NSD3: variants seen among roughly 807,000 people sequenced by gnomAD.
The protein encoded by NSD3 is histone-lysine N-methyltransferase NSD3.
Under a neutral mutation model 160.8 loss-of-function variants are expected in NSD3, and 24 were observed. The ratio of observed to expected loss-of-function variants is 0.15; its 90% CI spans 0.11 to 0.21. The LOEUF is 0.21. Ranked by LOEUF, NSD3 falls within the 10% of genes least tolerant of loss-of-function variation. The probability of loss-of-function intolerance (pLI) is 1.00; values close to 1 mark genes in which losing one functional copy is unlikely to be tolerated. For missense variants in NSD3, 1,157 were observed against 1,735.9 expected (o/e 0.67, Z 5.93); for synonymous variants, 520 against 600.0 (o/e 0.87, Z 1.95).
chr8:38,343,855 T>C (rs1733463767), intron 2 of NSD3, among the ~76,000 whole-genome samples: 1 of 152,206 alleles, frequency 6.6e-6, no homozygotes, highest in Non-Finnish European at 1.5e-5. Flanking sequence ...GCCACTCTGC[T>C]TTTTATAAGG....
At chr8:38,373,904 C>T (rs1811320140) in intron 1 of NSD3, among the ~76,000 whole-genome samples, 1 of 144,508 alleles carries the variant, frequency 6.9e-6, no homozygotes, top group African/African-American at 2.6e-5. Flanking sequence ...TCAAGACCAG[C>T]CTGGGCAACT....
Position 38,347,814 on chromosome 8 carries a change from T to C in NSD3, c.358A>G (p.Arg120Gly), listed in dbSNP as rs1810573354. ...GGTTTTTCCAGAATTTCATGTGGTC[T>C]TGTGTTTGGAATTTCTGAATGATAA... The part of the protein sequence containing the change: ...DYYHSEIPNT[R>G]PHEILEKPSP... Residue 120 changes from arginine (R) to glycine (G), a missense_variant, in exon 2 of 24, where the codon AGA becomes GGA. Physicochemically the swap from Arg to Gly is moderately radical, Grantham distance 125. Coordinates refer to ENST00000317025, the MANE Select transcript of NSD3 (RefSeq NM_023034.2). 2 of 1,614,130 alleles carry C rather than the reference T, an allele frequency of 1.2e-6. No homozygotes were observed. The highest frequency in any genetic ancestry group is 1.1e-5 in the South Asian group (1 of 91,080).
chr8:38,358,557 AT>A (rs1314983509), intron 1 of NSD3, among the ~76,000 whole-genome samples: 1 of 152,040 alleles, frequency 6.6e-6, no homozygotes, highest in Admixed American at 6.6e-5. Context: ...ATTTAAAAAA[AT>A]TTTTTTTAAG....
intron 7 of NSD3, among the ~76,000 whole-genome samples, chr8:38,326,035 C>T (rs922806154): frequency 6.6e-6 from 1 of 151,894 alleles, no homozygotes; most frequent in South Asian, 2.1e-4. Flanking sequence ...GTAATCCCAG[C>T]TACTCAGGAG....
In NSD3 at chr8:38,316,952, C is replaced by T. The variant is rs1050157606; in HGVS notation, c.1856-910G>A. ...ATGTGCAGATCAGGCACGGTGAATA[C>T]CAAGGAACCAAGGAGACGGTTAATA... On this transcript the variant is annotated intron_variant, in intron 9 of 23. Coordinates refer to ENST00000317025, the MANE Select transcript of NSD3 (RefSeq NM_023034.2). This position sits in a 1 kb window ranked among gnomAD's most constrained non-coding sequence, Gnocchi z 4.5. The T allele has an allele frequency of 3.1e-5, 33 of 1,060,744 alleles. No homozygotes were observed. The highest frequency in any genetic ancestry group is 3.5e-5 in the Non-Finnish European group (31 of 876,410). 65.7% of individuals were successfully genotyped at this position (1,060,744 alleles called of 1,614,324 possible). A position where few individuals can be genotyped will look rare whatever the true frequency, so the allele number is the denominator to read the frequency against.
In NSD3 at chr8:38,326,744, G is replaced by A. The variant is rs1809921343; in HGVS notation, c.1694C>T (p.Thr565Ile). 4 of 1,613,144 alleles carry A rather than the reference G, an allele frequency of 2.5e-6. No homozygotes were observed. Among genetic ancestry groups the A allele is most frequent in the South Asian group, 1.1e-5 (1 of 90,892 alleles). Residue 565 changes from threonine to isoleucine, a missense_variant, in exon 7 of 24, where the codon ACA becomes ATA. Coordinates refer to ENST00000317025, the MANE Select transcript of NSD3 (RefSeq NM_023034.2). ...PTQSVSSPEATSGSTGSVEKK... is the reference protein window; with the variant it reads ...PTQSVSSPEAISGSTGSVEKK... ...TTCATACCAACCTGTAGAACCAGATGTTGCTTCAGGAGATGATACACTCTG... is the reference window on the plus strand; with the variant it reads ...TTCATACCAACCTGTAGAACCAGATATTGCTTCAGGAGATGATACACTCTG...
At chr8:38,277,172 G>A (rs1043170667) in intron 22 of NSD3, among the ~76,000 whole-genome samples, 4 of 152,172 alleles carry the variant, frequency 2.6e-5, no homozygotes. Flanking sequence ...GAACTCCTGA[G>A]CTCAGGCAAT....
At chr8:38,325,162 TC>T (rs1192701385) in intron 7 of NSD3, among the ~76,000 whole-genome samples, 3 of 152,180 alleles carry the variant, frequency 2.0e-5, no homozygotes, top group African/African-American at 4.8e-5. Context: ...GCAACTGACA[TC>T]TGAAGTGGGG....
intron 7 of NSD3, among the ~76,000 whole-genome samples, chr8:38,324,232 C>T (rs1459361396): frequency 6.6e-6 from 1 of 152,100 alleles, no homozygotes; most frequent in Non-Finnish European, 1.5e-5. Context: ...CTTTGCTATT[C>T]ACTCCCTCCT....
In NSD3 at chr8:38,347,923, T is replaced by G. The variant is rs562928589; in HGVS notation, c.249A>C (p.Gln83His). 3 of 1,614,238 alleles carry G rather than the reference T, an allele frequency of 1.9e-6. No individual in the cohort carries two copies. The South Asian group carries it at 3.3e-5, about 18-fold the overall frequency. ...ACTGATTATATGACTGGTATTTGGT[T>G]TGAGTTTCATACACACTGATTGATG... Reference protein sequence around the residue: ...YPSSISVYETQTKYQSYNQYP... With the variant: ...YPSSISVYETHTKYQSYNQYP... Residue 83 changes from glutamine to histidine, a missense_variant, in exon 2 of 24, where the codon CAA (glutamine) becomes CAC (histidine). Transcript: ENST00000317025.
chr8:38,297,424 A>T (rs1585865284), intron 15 of NSD3, among the ~76,000 whole-genome samples: 1 of 152,224 alleles, frequency 6.6e-6, no homozygotes, highest in Admixed American at 6.5e-5. Flanking sequence ...TGATCTTTTC[A>T]TTGGAAAATC....
rs752907493 is a variant in NSD3, at chr8:38,272,471, C to G, written c.*3170G>C. On this transcript the variant is annotated 3_prime_UTR_variant, in exon 24 of 24. Coordinates refer to ENST00000317025, the MANE Select transcript of NSD3 (RefSeq NM_023034.2). ...GAAGAGCCATCCACCTTGCCCTTCT[C>G]AGCCAGCCACAGGCAGCTCTTCTGA... 4 of 152,336 alleles carry G rather than the reference C, an allele frequency of 2.6e-5. No homozygotes were observed. Among genetic ancestry groups the G allele is most frequent in the Non-Finnish European group, 4.4e-5 (3 of 68,118 alleles). 9.4% of individuals were successfully genotyped at this position (152,336 alleles called of 1,614,324 possible). A position where few individuals can be genotyped will look rare whatever the true frequency, so the allele number is the denominator to read the frequency against.
chr8:38,323,821 C>CAA (rs397891214), intron 7 of NSD3, among the ~76,000 whole-genome samples: 121 of 71,772 alleles, frequency 1.7e-3, no homozygotes, highest in Non-Finnish European at 2.0e-3. Context: ...GACCCTGTCT[C>CAA]AAAAAAAAAA....
At position 38,272,633 on chromosome 8, in the gene NSD3, C is replaced by T. The variant is rs1808510025; in HGVS notation, c.*3008G>A. 6.6e-6 allele frequency: 1 copy of T among 152,238 alleles called. No individual in the cohort carries two copies. Among genetic ancestry groups the T allele is most frequent in the Non-Finnish European group, 1.5e-5 (1 of 68,044 alleles). 9.4% of individuals were successfully genotyped at this position (152,238 alleles called of 1,614,324 possible). On this transcript the variant is annotated 3_prime_UTR_variant, in exon 24 of 24. Coordinates refer to ENST00000317025, the MANE Select transcript of NSD3 (RefSeq NM_023034.2). ...GGCTGATTATCAAAAATCTTATGTTCACTTCTTCCTTCAACAAATTAACAT... is the reference window on the plus strand; with the variant it reads ...GGCTGATTATCAAAAATCTTATGTTTACTTCTTCCTTCAACAAATTAACAT...
At chr8:38,282,822 T>G (rs1459443274) in intron 19 of NSD3, among the ~76,000 whole-genome samples, 1 of 152,260 alleles carries the variant, frequency 6.6e-6, no homozygotes, top group East Asian at 1.9e-4. Flanking sequence ...TTGTTCTTTT[T>G]AAATCTCTGA....
rs188815821 is a variant in NSD3 at position 38,345,822 on chromosome 8, T to C, written c.675+1675A>G. 1.7e-3 allele frequency among the ~76,000 whole-genome samples: 259 copies of C among 151,524 alleles called. 1 individual carries two copies. The highest frequency in any genetic ancestry group is 3.5e-3 in the Middle Eastern group (1 of 288). ...TACTCGGGAGGCTGAGGCAGGAGAA[T>C]TGCTTGAACCCTGGAGGCGGAGGTT... is the stretch of plus-strand genomic sequence containing the variant. On this transcript the variant is annotated intron_variant, in intron 2 of 23. Transcript: ENST00000317025.
rs6993185 is a variant in NSD3, at chr8:38,348,306, G to C, written c.-44-91C>G. 7,770 of 1,010,898 alleles carry C rather than the reference G, an allele frequency of 7.7e-3. 420 individuals are homozygous for C. In the African/African-American group the frequency reaches 0.11, roughly 15 times the overall value. 62.6% of individuals were successfully genotyped at this position (1,010,898 alleles called of 1,614,324 possible). On this transcript the variant is annotated intron_variant, in intron 1 of 23. Coordinates refer to ENST00000317025, the MANE Select transcript of NSD3 (RefSeq NM_023034.2). ...AAAAAGGATTAAACTAAAATGTTTT[G>C]AACTCAATTTTCATATCCAGATATG...
intron 15 of NSD3, among the ~76,000 whole-genome samples, chr8:38,297,725 T>A (rs1306520931): frequency 6.6e-6 from 1 of 152,200 alleles, no homozygotes; most frequent in African/African-American, 2.4e-5. Flanking sequence ...TATAGATTAA[T>A]TGATTCAATT....
rs1369979937 is a variant in NSD3, at chr8:38,269,924, T to TA, written c.*5716dup. The stretch of plus-strand genomic sequence containing the variant: ...CACATCAGTAAAGAAGCTTAAATAT[T>TA]ACAGGCAACCCTAAATACACTATAA... On this transcript the variant is annotated 3_prime_UTR_variant, in exon 24 of 24. Coordinates refer to ENST00000317025, the MANE Select transcript of NSD3 (RefSeq NM_023034.2). 1.3e-5 allele frequency: 2 copies of TA among 152,200 alleles called. No individual in the cohort carries two copies. Among genetic ancestry groups the TA allele is most frequent in the Non-Finnish European group, 2.9e-5 (2 of 68,036 alleles). 9.4% of individuals were successfully genotyped at this position (152,200 alleles called of 1,614,324 possible). A position where few individuals can be genotyped will look rare whatever the true frequency, so the allele number is the denominator to read the frequency against.
Sources: allele counts gnomAD v4.1 joint callset (sites outside exome capture counted in the v4.1 genomes callset), GRCh38; gene constraint gnomAD v4.1.1; non-coding constraint Gnocchi (gnomAD v3.1); transcripts MANE v1.5; gene names NCBI Gene and HGNC (gene_info 2026-07-23, HGNC 2026-07-21).